The following CHRM1 variants were observed in gnomAD, a reference collection of about 807,000 sequenced individuals.
CHRM1 encodes muscarinic acetylcholine receptor M1.
CHRM1 carries 5 observed loss-of-function variants against 31.6 expected under a neutral mutation model. That is an observed-to-expected ratio of 0.16 (90% CI 0.08 to 0.33). The LOEUF (loss-of-function observed/expected upper bound fraction) is 0.33. CHRM1 is among the 10% of genes least tolerant of loss of function. CHRM1 has a pLI of 1.00. For synonymous variants in CHRM1, 227 were observed against 249.7 expected, an observed-to-expected ratio of 0.91 and a Z score of 0.86; for missense variants, 338 against 610.3, an observed-to-expected ratio of 0.55 and a Z score of 4.70.
intron 1 of CHRM1, among the ~76,000 whole-genome samples, chr11:62,914,003 C>G (rs1012335806): frequency 1.3e-5 from 2 of 151,514 alleles, no homozygotes; most frequent in Non-Finnish European, 2.9e-5. Flanking sequence ...AGTGCAGTGG[C>G]ACAATCTCGG....
At chr11:62,912,952 G>T (rs1180342961) in intron 1 of CHRM1, among the ~76,000 whole-genome samples, 2 of 152,232 alleles carry the variant, frequency 1.3e-5, no homozygotes, top group African/African-American at 4.8e-5. Context: ...GTGGCTGAGG[G>T]CATCTCCATG....
intron 1 of CHRM1, chr11:62,916,817 C>A (rs2085902864): frequency 6.6e-6 from 1 of 152,246 alleles, no homozygotes; most frequent in Non-Finnish European, 1.5e-5. Flanking sequence ...TGTGTTCTTT[C>A]CACCTCAGCA....
Position 62,909,964 on chromosome 11 carries a change from T to G in CHRM1, c.1137A>C (p.Thr379=), listed in dbSNP as rs148741609. ...ACACCAGCACCATGATGTTGTACGG[T>G]GTCCAGGTGAGGATGAAGGCCAGGA... ...AILLAFILTW[T]PYNIMVLVST... The change falls in exon 2 of 2, where the codon ACA becomes ACC. Residue 379 remains threonine, a synonymous_variant. Transcript: ENST00000306960. 339 of 1,614,098 alleles carry G rather than the reference T, an allele frequency of 2.1e-4. 6 individuals are homozygous for G. The African/African-American group carries it at 4.1e-3, about 20-fold the overall frequency.
In CHRM1 at chr11:62,909,670, C is replaced by A. The variant is rs757967211; in HGVS notation, c.*48G>T. 20 of 1,587,976 alleles carry A rather than the reference C, an allele frequency of 1.3e-5. No homozygotes were observed. The Middle Eastern group carries it at 7.0e-4, about 55-fold the overall frequency. On this transcript the variant is annotated 3_prime_UTR_variant, in exon 2 of 2. Coordinates refer to ENST00000306960, the MANE Select transcript of CHRM1 (RefSeq NM_000738.3). ...GGATGCAGCCCCTGCCCTCTTCCCA[C>A]CGGCCTTTCCCGGGGACTGGGGTGG...
Position 62,913,298 on chromosome 11 carries a change from T to A in CHRM1, c.-78-2120A>T, listed in dbSNP as rs143031048. The stretch of plus-strand genomic sequence containing the variant: ...ATCAATGCATGTAAGGTGCTTAGAA[T>A]GGCCCTGGCACATGGTAAACAGTAG... On this transcript the variant is annotated intron_variant, in intron 1 of 1. Transcript: ENST00000306960. Among the ~76,000 whole-genome samples the A allele has an allele frequency of 1.1e-4, 16 of 152,342 alleles. No individual in the cohort carries two copies. In the East Asian group the frequency reaches 3.1e-3, roughly 29 times the overall value.
chr11:62,910,103 C>T lies in CHRM1; in HGVS notation c.998G>A (p.Gly333Glu). The T allele has an allele frequency of 6.2e-7, 1 of 1,611,992 alleles. No individual in the cohort carries two copies. Among genetic ancestry groups the T allele is most frequent in the Non-Finnish European group, 8.5e-7 (1 of 1,179,416 alleles). ...CTGGCCCTTGCCAGCTCGATCACGCCCTTTCTTAGTCGGCCTCTTGACTGT... is the reference window on the plus strand; with the variant it reads ...CTGGCCCTTGCCAGCTCGATCACGCTCTTTCTTAGTCGGCCTCTTGACTGT... ...PNTVKRPTKK[G>E]RDRAGKGQKP... Residue 333 changes from glycine to glutamate, a missense_variant, in exon 2 of 2, where the codon GGG (glycine) becomes GAG (glutamate). Physicochemically the swap from Gly to Glu is moderately conservative, Grantham distance 98. Transcript: ENST00000306960. This position sits in a 1 kb window ranked among gnomAD's most constrained non-coding sequence, Gnocchi z 8.7.
chr11:62,911,351 G>A (rs2085870296), intron 1 of CHRM1, among the ~76,000 whole-genome samples, 173 bp from the exon 2 acceptor site: 1 of 152,202 alleles, frequency 6.6e-6, no homozygotes, highest in South Asian at 2.1e-4. Flanking sequence ...CCAGCCATAA[G>A]TGGATTTGCC....
Position 62,910,473 on chromosome 11 carries a change from G to T in CHRM1, c.628C>A (p.Arg210Ser), listed in dbSNP as rs1213211267. The change falls in exon 2 of 2, where the codon CGC becomes AGC. Residue 210 changes from arginine (R) to serine (S), a missense_variant. Transcript: ENST00000306960. This position sits in a 1 kb window ranked among gnomAD's most constrained non-coding sequence, Gnocchi z 8.7. Reference sequence around the variant, plus strand: ...CGGTTCTCTGTCTCCCGGTAGATGCGCCAGTAGAGCGTGCACATGACTGTG... The same window carrying T: ...CGGTTCTCTGTCTCCCGGTAGATGCTCCAGTAGAGCGTGCACATGACTGTG... ...PVTVMCTLYWRIYRETENRAR... is the reference protein window; with the variant it reads ...PVTVMCTLYWSIYRETENRAR... 1 of 1,614,110 alleles carries T rather than the reference G, an allele frequency of 6.2e-7. No individual in the cohort carries two copies. The highest frequency in any genetic ancestry group is 1.6e-4 in the Middle Eastern group (1 of 6,062).
chr11:62,920,278 T>C (rs966927324), intron 1 of CHRM1, among the ~76,000 whole-genome samples: 1 of 152,122 alleles, frequency 6.6e-6, no homozygotes, highest in Non-Finnish European at 1.5e-5. Flanking sequence ...TGTGAACCCC[T>C]CTCCATTGGC....
chr11:62,912,638 C>T (rs888503958), intron 1 of CHRM1, among the ~76,000 whole-genome samples: 4 of 152,246 alleles, frequency 2.6e-5, no homozygotes, highest in Admixed American at 2.0e-4. Flanking sequence ...CCTTAACAAC[C>T]TGCTGGCTGG....
intron 1 of CHRM1, among the ~76,000 whole-genome samples, chr11:62,919,423 G>A (rs2085918600): frequency 6.6e-6 from 1 of 152,212 alleles, no homozygotes; most frequent in African/African-American, 2.4e-5. Context: ...GCTCACCCAT[G>A]ATGGATCTTA....
Position 62,909,456 on chromosome 11 carries a change from C to G in CHRM1, c.*262G>C, listed in dbSNP as rs1451611896. On this transcript the variant is annotated 3_prime_UTR_variant, in exon 2 of 2. Transcript: ENST00000306960. ...GGAGTCCAAAGCCCGGATCCTCCTC[C>G]CGGGCCTTCTTCCTGGTGAAGAGCG... 3.9e-6 allele frequency: 2 copies of G among 515,408 alleles called. No individual in the cohort carries two copies. The highest frequency in any genetic ancestry group is 3.4e-6 in the Non-Finnish European group (1 of 290,390). 31.9% of individuals were successfully genotyped at this position (515,408 alleles called of 1,614,324 possible).
chr11:62,920,403 C>G (rs1434489199), intron 1 of CHRM1, among the ~76,000 whole-genome samples: 1 of 152,140 alleles, frequency 6.6e-6, no homozygotes, highest in Non-Finnish European at 1.5e-5. Context: ...TTCCTGGCCC[C>G]TAGCCCATCC....
chr11:62,918,984 T>TAG (rs1168323340), intron 1 of CHRM1, among the ~76,000 whole-genome samples: 1 of 151,734 alleles, frequency 6.6e-6, no homozygotes, highest in Non-Finnish European at 1.5e-5. Flanking sequence ...TGGAAGCTGG[T>TAG]AGAGTCCTGG....
In CHRM1 at chr11:62,909,401, G is replaced by T. The variant is rs1388195887; in HGVS notation, c.*317C>A. The T allele has an allele frequency of 2.7e-6, 1 of 367,300 alleles. No homozygotes were observed. Among genetic ancestry groups the T allele is most frequent in the African/African-American group, 2.1e-5 (1 of 48,692 alleles). 22.8% of individuals were successfully genotyped at this position (367,300 alleles called of 1,614,324 possible). ...TTCTTTCTCCTGGCCCGCCCTGCTG[G>T]CTCCTGACTTCCTGCCTAAAGGCAA... On this transcript the variant is annotated 3_prime_UTR_variant, in exon 2 of 2. Transcript: ENST00000306960.
chr11:62,919,722 T>C (rs2085921229), intron 1 of CHRM1, among the ~76,000 whole-genome samples: 1 of 152,114 alleles, frequency 6.6e-6, no homozygotes, highest in Non-Finnish European at 1.5e-5. Flanking sequence ...GTCTCAGAGC[T>C]TACTGCGCCC....
intron 1 of CHRM1, chr11:62,920,814 G>T (rs11819797): frequency 0.023 from 3,463 of 152,186 alleles, 112 homozygotes; most frequent in African/African-American, 0.078. Context: ...CAAGATGGGG[G>T]TCAACCTCCC....
intron 1 of CHRM1, among the ~76,000 whole-genome samples, chr11:62,914,850 C>T (rs2085892070): frequency 6.6e-6 from 1 of 152,206 alleles, no homozygotes; most frequent in Non-Finnish European, 1.5e-5. Flanking sequence ...AGGGGCCTCT[C>T]ATCTGCCTGG....
intron 1 of CHRM1, chr11:62,916,851 G>A (rs1168466925): frequency 1.3e-5 from 2 of 152,198 alleles, no homozygotes; most frequent in African/African-American, 2.4e-5. Flanking sequence ...CCACTTACGC[G>A]GATGAGGGCT....
Sources: gnomAD v4.1 joint callset for allele counts (sites outside exome capture counted in the v4.1 genomes callset) on GRCh38, gnomAD v4.1.1 for gene constraint, Gnocchi (gnomAD v3.1) non-coding constraint, MANE v1.5 for transcripts, NCBI Gene and HGNC (gene_info 2026-07-23, HGNC 2026-07-21) for gene names.